LIMCH1: variants seen among roughly 807,000 people sequenced by gnomAD.
LIMCH1 encodes LIM and calponin homology domains 1.
A neutral mutation model predicts 176.5 loss-of-function variants in LIMCH1; 113 were observed. That is an observed-to-expected ratio of 0.64 (90% CI 0.55 to 0.75). The LOEUF is 0.75. Ranked by LOEUF, LIMCH1 falls within the 30% of genes least tolerant of loss-of-function variation. The pLI, the probability that LIMCH1 is intolerant of heterozygous loss-of-function variation, is 0.00. For synonymous variants in LIMCH1, 619 were observed against 645.9 expected (o/e 0.96, Z 0.63); for missense variants, 1,674 against 1,814.9 (o/e 0.92, Z 1.41).
chr4:41,532,536 A>G (rs978626654), intron 3 of LIMCH1, among the ~76,000 whole-genome samples: 1 of 152,238 alleles, frequency 6.6e-6, no homozygotes, highest in Non-Finnish European at 1.5e-5. Flanking sequence ...GACCTACACC[A>G]AAAGGCTTGA....
chr4:41,472,889 G>C (rs929179517), intron 1 of LIMCH1: 5 of 375,390 alleles, frequency 1.3e-5, no homozygotes, highest in Middle Eastern at 2.6e-3. Flanking sequence ...AAGCTTACTT[G>C]ACCATGGACC....
chr4:41,671,112 T>C (rs1245429269), intron 21 of LIMCH1: 4 of 533,602 alleles, frequency 7.5e-6, no homozygotes, highest in Non-Finnish European at 9.6e-6. Flanking sequence ...ATAGTTCTCT[T>C]GTTAACTGTG....
Position 41,629,413 on chromosome 4 carries a change from G to T in LIMCH1, c.1029-79G>T, listed in dbSNP as rs369176344. ...CTGTCCTCAGCCTGTGAGTTTCCAT[G>T]CTTGACATTCTCTTTGTCTGCTCCC... On this transcript the variant is annotated intron_variant, in intron 8 of 31. Transcript: ENST00000503057. 1.5e-4 allele frequency: 220 copies of T among 1,476,228 alleles called. No homozygotes were observed. In the African/African-American group the frequency reaches 2.7e-3, roughly 18 times the overall value. 91.4% of individuals were successfully genotyped at this position (1,476,228 alleles called of 1,614,324 possible).
At chr4:41,678,504 C>T (rs1288294811) in intron 23 of LIMCH1, among the ~76,000 whole-genome samples, 2 of 152,144 alleles carry the variant, frequency 1.3e-5, no homozygotes, top group Non-Finnish European at 2.9e-5. Flanking sequence ...TGCTCATTCC[C>T]CAGCTAAATG....
intron 1 of LIMCH1, among the ~76,000 whole-genome samples, chr4:41,405,171 G>A (rs988013139): frequency 6.6e-6 from 1 of 152,158 alleles, no homozygotes; most frequent in Non-Finnish European, 1.5e-5. Flanking sequence ...TAATGAGAGA[G>A]AAACCATAGT....
At chr4:41,498,876 T>C (rs112387335) in intron 2 of LIMCH1, among the ~76,000 whole-genome samples, 3 of 142,998 alleles carry the variant, frequency 2.1e-5, no homozygotes, top group Non-Finnish European at 4.6e-5. Context: ...GCCCTTGGCC[T>C]TTTTTTTTTT....
At chr4:41,685,596 G>T (rs114797990) in intron 27 of LIMCH1, 114 bp from the exon 28 acceptor site, 534 of 1,243,586 alleles carry the variant, frequency 4.3e-4, no homozygotes, top group Non-Finnish European at 5.9e-4. Context: ...CCCATGACCT[G>T]CATGAAATCG....
intron 1 of LIMCH1, among the ~76,000 whole-genome samples, chr4:41,373,618 A>C (rs1178697195): frequency 6.6e-6 from 1 of 152,162 alleles, no homozygotes; most frequent in Non-Finnish European, 1.5e-5. Flanking sequence ...CTAGCTACAA[A>C]CTCTTATTAC....
chr4:41,447,803 G>A (rs968353239), intron 1 of LIMCH1, among the ~76,000 whole-genome samples: 5 of 150,534 alleles, frequency 3.3e-5, no homozygotes, highest in Admixed American at 1.3e-4. Flanking sequence ...TTTTTTTTTC[G>A]TTTTTGAGAC....
chr4:41,368,683 T>A (rs2053489262), intron 1 of LIMCH1, among the ~76,000 whole-genome samples: 1 of 152,158 alleles, frequency 6.6e-6, no homozygotes, highest in Non-Finnish European at 1.5e-5. Flanking sequence ...ACTCTTAAAT[T>A]TCTCTAGGTC....
chr4:41,555,378 T>C (rs956658315), intron 1 of LIMCH1, among the ~76,000 whole-genome samples: 3 of 152,204 alleles, frequency 2.0e-5, no homozygotes, highest in Admixed American at 6.5e-5. Context: ...GGTATGCCTA[T>C]GTTAGAGCTA....
intron 5 of LIMCH1, among the ~76,000 whole-genome samples, chr4:41,617,752 G>C (rs78308690): frequency 6.6e-6 from 1 of 152,108 alleles, no homozygotes; most frequent in Admixed American, 6.5e-5. Flanking sequence ...AACCTCCAGG[G>C]CAAATCATTT....
rs1398182314 is a variant in LIMCH1 at position 41,644,534 on chromosome 4, G to A, written c.2161G>A (p.Glu721Lys). ...CATGTTTGACATGCGGTGTGAGGAG[G>A]AGGCCGCGGTGCAGCCGCACAGCAG... is the stretch of plus-strand genomic sequence containing the variant. ...TSMFDMRCEEEAAVQPHSRAR... is the reference protein window; with the variant it reads ...TSMFDMRCEEKAAVQPHSRAR... Residue 721 changes from glutamate to lysine, a missense_variant, in exon 15 of 32, where the codon GAG becomes AAG. Physicochemically the swap from Glu to Lys is moderately conservative, Grantham distance 56. Transcript: ENST00000503057. The A allele has an allele frequency of 3.8e-6, 6 of 1,595,042 alleles. No individual in the cohort carries two copies. Among genetic ancestry groups the A allele is most frequent in the East Asian group, 2.3e-5 (1 of 43,764 alleles).
chr4:41,684,990 A>T (rs1033354166), intron 27 of LIMCH1, among the ~76,000 whole-genome samples: 1 of 152,104 alleles, frequency 6.6e-6, no homozygotes, highest in Non-Finnish European at 1.5e-5. Context: ...CAAAATTCAA[A>T]TGTATTCCTC....
intron 1 of LIMCH1, among the ~76,000 whole-genome samples, chr4:41,434,997 AT>A (rs2061938178): frequency 2.0e-5 from 3 of 152,148 alleles, no homozygotes; most frequent in Admixed American, 6.5e-5. Flanking sequence ...TAATATCTTA[AT>A]CCTTAGAGCC....
intron 30 of LIMCH1, 25 bp downstream of exon 30, chr4:41,689,660 C>T (rs1723787876): frequency 7.4e-7 from 1 of 1,346,934 alleles, no homozygotes; most frequent in Non-Finnish European, 1.1e-6. Flanking sequence ...CTTTGCTCTC[C>T]AGACACAACT....
At chr4:41,610,085 C>T (rs539319559) in intron 4 of LIMCH1, among the ~76,000 whole-genome samples, 1 of 152,294 alleles carries the variant, frequency 6.6e-6, no homozygotes, top group African/African-American at 2.4e-5. Flanking sequence ...GCACTTGGTC[C>T]AAGGTTTGAT....
chr4:41,397,211 G>T (rs1409849888), intron 1 of LIMCH1, among the ~76,000 whole-genome samples: 1 of 152,190 alleles, frequency 6.6e-6, no homozygotes, highest in Non-Finnish European at 1.5e-5. Flanking sequence ...GGTCATTGCT[G>T]TGTCTGGTTG....
chr4:41,429,613 G>T (rs887699919), intron 1 of LIMCH1, among the ~76,000 whole-genome samples: 1 of 152,152 alleles, frequency 6.6e-6, no homozygotes, highest in Non-Finnish European at 1.5e-5. Context: ...GGTGAGGTCC[G>T]CAGAAGTGGT....
Sources: gnomAD v4.1 joint callset for allele counts (sites outside exome capture counted in the v4.1 genomes callset) on GRCh38, gnomAD v4.1.1 for gene constraint, MANE v1.5 for transcripts, NCBI Gene and HGNC (gene_info 2026-07-23, HGNC 2026-07-21) for gene names.